Variants in ULK4 observed in about 807,000 individuals in gnomAD.
ULK4 encodes the protein inactive serine/threonine-protein kinase ULK4.
A neutral mutation model predicts 160.6 loss-of-function variants in ULK4; 133 were observed. That is an observed-to-expected ratio of 0.83 (90% confidence interval 0.72 to 0.96). The LOEUF is 0.96. Ranked by LOEUF, ULK4 falls within the 40% of genes least tolerant of loss-of-function variation. The pLI is 0.00. For synonymous variants in ULK4, 534 were observed against 539.8 expected (o/e 0.99, Z 0.15); for missense variants, 1,580 against 1,499.5 (o/e 1.05, Z -0.89).
chr3:41,932,119 A>C, intron 4 of ULK4, 113 bp from the exon 5 acceptor site: 1 of 865,614 alleles, frequency 1.2e-6, no homozygotes, highest in Non-Finnish European at 1.6e-6. Context: ...TCTTTATCAG[A>C]ACTCAGAAAA....
intron 17 of ULK4, among the ~76,000 whole-genome samples, chr3:41,851,324 A>G (rs1343131951): frequency 6.6e-6 from 1 of 152,172 alleles, no homozygotes; most frequent in Non-Finnish European, 1.5e-5. Flanking sequence ...TTCTGCATCT[A>G]TTGAGATAAT....
rs201886576 is a variant in ULK4, at chr3:41,422,548, T to TA, written c.3493-24285dup. Among the ~76,000 whole-genome samples the TA allele has an allele frequency of 3.6e-4, 55 of 152,040 alleles. No individual in the cohort carries two copies. The East Asian group carries it at 0.01, about 28-fold the overall frequency. ...ATCTACTTCTCTATATTTCCACATT[T>TA]AATGCCTTAATGTTACACATATTCA... On this transcript the variant is annotated intron_variant, in intron 34 of 36. Coordinates refer to ENST00000301831, the MANE Select transcript of ULK4 (RefSeq NM_017886.4).
chr3:41,916,456 A>G (rs1288489015), intron 7 of ULK4, among the ~76,000 whole-genome samples: 1 of 151,894 alleles, frequency 6.6e-6, no homozygotes, highest in Non-Finnish European at 1.5e-5. Flanking sequence ...TGGCACCATC[A>G]TGGTTCACTC....
chr3:41,800,360 A>T, intron 19 of ULK4, 67 bp from the exon 20 acceptor site: 1 of 1,476,214 alleles, frequency 6.8e-7, no homozygotes, highest in Non-Finnish European at 9.3e-7. Flanking sequence ...CTTTATGACC[A>T]TTGTAAATAA....
intron 35 of ULK4, among the ~76,000 whole-genome samples, chr3:41,339,557 T>C (rs2125748908): frequency 6.6e-6 from 1 of 152,300 alleles, no homozygotes; most frequent in South Asian, 2.1e-4. Flanking sequence ...ACTTCCTCAA[T>C]ATACAACTTA....
intron 32 of ULK4, among the ~76,000 whole-genome samples, chr3:41,506,534 ACTG>A (rs1452569457): frequency 6.6e-6 from 1 of 151,808 alleles, no homozygotes; most frequent in South Asian, 2.1e-4. Context: ...TCTTGCCGTT[ACTG>A]CTGCTGCTGC....
At chr3:41,665,163 T>C (rs562987512) in intron 29 of ULK4, among the ~76,000 whole-genome samples, 12 of 152,316 alleles carry the variant, frequency 7.9e-5, no homozygotes, top group Admixed American at 6.5e-4. Context: ...ATCTAGAGAA[T>C]AGGGCCCCAT....
chr3:41,950,271 C>T (rs1229913752), intron 2 of ULK4, among the ~76,000 whole-genome samples: 3 of 151,772 alleles, frequency 2.0e-5, no homozygotes, highest in Non-Finnish European at 4.4e-5. Context: ...GACGGAGTCT[C>T]GCCTTGTTGC....
At chr3:41,439,889 C>T (rs954431082) in intron 34 of ULK4, among the ~76,000 whole-genome samples, 1 of 152,156 alleles carries the variant, frequency 6.6e-6, no homozygotes, top group Admixed American at 6.5e-5. Context: ...TGTAGAAGTC[C>T]TTTAATTTCT....
intron 35 of ULK4, among the ~76,000 whole-genome samples, chr3:41,334,141 T>A (rs138329295): frequency 6.6e-6 from 1 of 152,208 alleles, no homozygotes; most frequent in African/African-American, 2.4e-5. Flanking sequence ...CCCAATTGTG[T>A]ATTATGAGAG....
chr3:41,901,210 C>T (rs1377007417), intron 12 of ULK4, among the ~76,000 whole-genome samples: 1 of 139,404 alleles, frequency 7.2e-6, no homozygotes, highest in East Asian at 2.1e-4. Context: ...GGCGGAGTCT[C>T]GCTCTGTCCC....
At chr3:41,723,567 A>G (rs1293700724) in intron 22 of ULK4, among the ~76,000 whole-genome samples, 1 of 152,202 alleles carries the variant, frequency 6.6e-6, no homozygotes, top group Non-Finnish European at 1.5e-5. Context: ...ACAGTGAGGA[A>G]AGAGGGGTAA....
chr3:41,925,809 C>A (rs963294980), intron 5 of ULK4, among the ~76,000 whole-genome samples: 1 of 151,954 alleles, frequency 6.6e-6, no homozygotes, highest in Admixed American at 6.6e-5. Context: ...TGGGTGGAGC[C>A]CACTGCAGCA....
intron 35 of ULK4, among the ~76,000 whole-genome samples, chr3:41,339,207 G>A (rs1174253707): frequency 6.6e-6 from 1 of 151,900 alleles, no homozygotes; most frequent in African/African-American, 2.4e-5. Context: ...CAATCCCCTG[G>A]GTCTTTTTTC....
intron 4 of ULK4, 79 bp from the exon 5 acceptor site, chr3:41,932,085 T>A: frequency 7.8e-7 from 1 of 1,277,770 alleles, no homozygotes; most frequent in Non-Finnish European, 1.0e-6. Flanking sequence ...ATAATTGTAC[T>A]AAAGAACTTT....
intron 5 of ULK4, among the ~76,000 whole-genome samples, chr3:41,929,989 T>G (rs2148820931): frequency 6.6e-6 from 1 of 152,160 alleles, no homozygotes; most frequent in Non-Finnish European, 1.5e-5. Flanking sequence ...AAAAACTACT[T>G]TAAATTTCAT....
intron 21 of ULK4, among the ~76,000 whole-genome samples, chr3:41,765,324 C>T (rs895273787): frequency 1.3e-5 from 2 of 152,020 alleles, no homozygotes; most frequent in Non-Finnish European, 2.9e-5. Flanking sequence ...AACCAAACAC[C>T]GCATGCTCTC....
chr3:41,894,037 T>A (rs551622264), intron 16 of ULK4, among the ~76,000 whole-genome samples: 1 of 152,124 alleles, frequency 6.6e-6, no homozygotes, highest in East Asian at 1.9e-4. Context: ...TGTTTTACAA[T>A]CAAACTTCAA....
chr3:41,547,147 C>A (rs981123145), intron 32 of ULK4, among the ~76,000 whole-genome samples: 1 of 152,080 alleles, frequency 6.6e-6, no homozygotes, highest in Non-Finnish European at 1.5e-5. Context: ...AAATTGAACA[C>A]AGAGTAGGTT....
Sources: gnomAD v4.1 joint callset for allele counts (sites outside exome capture counted in the v4.1 genomes callset) on GRCh38, gnomAD v4.1.1 for gene constraint, MANE v1.5 for transcripts, NCBI Gene and HGNC (gene_info 2026-07-23, HGNC 2026-07-21) for gene names.